The following KLF13 variants were observed in gnomAD, a reference collection of about 807,000 sequenced individuals.
The protein encoded by KLF13 is Krueppel-like factor 13.
Under a neutral mutation model 16.7 loss-of-function variants are expected in KLF13, and 8 were observed. The observed-to-expected ratio is 0.48, with a 90% CI of 0.28 to 0.87. KLF13 has a LOEUF of 0.87. Among genes scored for constraint, KLF13 ranks in the 40% least tolerant of loss-of-function variants. The pLI is 0.10. For synonymous variants in KLF13, 245 were observed against 208.4 expected (o/e 1.18, Z -1.51); for missense variants, 447 against 452.2 (o/e 0.99, Z 0.10).
chr15:31,328,478 C>T (rs1378155409), intron 1 of KLF13, among the ~76,000 whole-genome samples: 2 of 151,768 alleles, frequency 1.3e-5, no homozygotes, highest in African/African-American at 4.8e-5. Context: ...TCCGGCCCGG[C>T]GGGGGCGCGC....
intron 1 of KLF13, among the ~76,000 whole-genome samples, chr15:31,337,809 G>T (rs1011454713): frequency 2.0e-5 from 3 of 152,242 alleles, no homozygotes; most frequent in Non-Finnish European, 4.4e-5. Flanking sequence ...ATTATGTGGT[G>T]CATGACTGTA....
rs548515536 is a variant in KLF13 at position 31,366,771 on chromosome 15, G to A, written c.578-5239G>A. ...CTGTGCTCACTGTACTCGGCTGCAC[G>A]CAGCCCCGCCTGGAGTCTGTCCCCA... On this transcript the variant is annotated intron_variant, in intron 1 of 1. Transcript: ENST00000307145. Among the ~76,000 whole-genome samples, 4 of 152,350 alleles carry A rather than the reference G, an allele frequency of 2.6e-5. No individual in the cohort carries two copies. In the East Asian group the frequency reaches 7.7e-4, roughly 29 times the overall value.
upstream of KLF13, among the ~76,000 whole-genome samples, chr15:31,390,143 C>T (rs72722847): frequency 0.051 from 7,790 of 152,180 alleles, 287 homozygotes; most frequent in East Asian, 0.13. Context: ...CTCAAGACCT[C>T]CCCTGCCCTC....
At chr15:31,335,643 A>C (rs916990147) in intron 1 of KLF13, among the ~76,000 whole-genome samples, 6 of 152,158 alleles carry the variant, frequency 3.9e-5, no homozygotes, top group Non-Finnish European at 8.8e-5. Context: ...GAAGTTCATC[A>C]CACAAAAACA....
chr15:31,429,855 TC>T (rs2040450096), intron 1 of KLF13, among the ~76,000 whole-genome samples: 1 of 151,874 alleles, frequency 6.6e-6, no homozygotes. Flanking sequence ...GGCCTCAGCC[TC>T]CCGAGTAGCT....
At chr15:31,364,595 C>G (rs1236111286) in intron 1 of KLF13, among the ~76,000 whole-genome samples, 7 of 152,272 alleles carry the variant, frequency 4.6e-5, no homozygotes, top group Non-Finnish European at 8.8e-5. Context: ...CCACTTAACC[C>G]TCACAGTGAC....
At chr15:31,356,644 T>C (rs1240691385) in intron 1 of KLF13, among the ~76,000 whole-genome samples, 1 of 152,252 alleles carries the variant, frequency 6.6e-6, no homozygotes, top group African/African-American at 2.4e-5. Context: ...GGCTTATATG[T>C]CTGGAAATGT....
intron 2 of KLF13, among the ~76,000 whole-genome samples, chr15:31,395,003 G>A (rs1412362249): frequency 1.3e-5 from 2 of 151,922 alleles, no homozygotes; most frequent in Non-Finnish European, 2.9e-5. Flanking sequence ...TGTTTTAGAG[G>A]GAGTCTCCCT....
At chr15:31,347,872 G>A (rs2039149773) in intron 1 of KLF13, among the ~76,000 whole-genome samples, 1 of 152,216 alleles carries the variant, frequency 6.6e-6, no homozygotes, top group Non-Finnish European at 1.5e-5. Context: ...GGAACAGGAA[G>A]GTGTGTTGTT....
chr15:31,385,618 T>C (rs910601055), intron 1 of KLF13, among the ~76,000 whole-genome samples: 6 of 152,236 alleles, frequency 3.9e-5, no homozygotes, highest in African/African-American at 1.4e-4. Flanking sequence ...GTTACTCTTG[T>C]AATTGGAGTG....
chr15:31,409,000 AC>A (rs1435001509), downstream of KLF13, among the ~76,000 whole-genome samples: 1 of 152,180 alleles, frequency 6.6e-6, no homozygotes, highest in African/African-American at 2.4e-5. Flanking sequence ...AAAAAAACAA[AC>A]CAGGCAGGCA....
intron 1 of KLF13, among the ~76,000 whole-genome samples, chr15:31,431,805 G>C (rs2040475532): frequency 6.6e-6 from 1 of 152,224 alleles, no homozygotes; most frequent in African/African-American, 2.4e-5. Flanking sequence ...AAAGAAGCCA[G>C]ATCTCAAACC....
chr15:31,340,169 G>A lies in KLF13; in HGVS notation c.577+12380G>A, dbSNP rs564922813. Among the ~76,000 whole-genome samples, 45 of 152,354 alleles carry A rather than the reference G, an allele frequency of 3.0e-4. 2 individuals are homozygous for A. The South Asian group carries it at 9.3e-3, about 32-fold the overall frequency. ...CTCACGACTGAGGCAGGCTGAGGAT[G>A]TACCCAGTTGGGCTGGGCTGCCTTG... On this transcript the variant is annotated intron_variant, in intron 1 of 1. Coordinates refer to ENST00000307145, the MANE Select transcript of KLF13 (RefSeq NM_015995.4).
At chr15:31,337,088 A>G (rs550028157) in intron 1 of KLF13, among the ~76,000 whole-genome samples, 10 of 152,140 alleles carry the variant, frequency 6.6e-5, no homozygotes, top group Non-Finnish European at 1.3e-4. Flanking sequence ...CACCTGCATG[A>G]CTGTCCATGT....
At chr15:31,349,989 G>A (rs535591567) in intron 1 of KLF13, among the ~76,000 whole-genome samples, 1 of 152,356 alleles carries the variant, frequency 6.6e-6, no homozygotes, top group Non-Finnish European at 1.5e-5. Flanking sequence ...CAAGTCCTCA[G>A]AGTAGCCTAG....
In KLF13 at chr15:31,374,454, CAGAAG is replaced by C. The variant is rs894265159; in HGVS notation, c.*2159_*2163del. ...GTGGAATATTTGGTAGGGACCTTGA[CAGAAG>C]AGAGCCCTGGGTGCTTGTGGTGCAA... On this transcript the variant is annotated 3_prime_UTR_variant, in exon 2 of 2. Coordinates refer to ENST00000307145, the MANE Select transcript of KLF13 (RefSeq NM_015995.4). 2.0e-5 allele frequency: 3 copies of C among 152,544 alleles called. No individual in the cohort carries two copies. The highest frequency in any genetic ancestry group is 4.4e-5 in the Non-Finnish European group (3 of 68,042). 9.4% of individuals were successfully genotyped at this position (152,544 alleles called of 1,614,324 possible).
At chr15:31,421,990 C>T (rs185706758) in intron 1 of KLF13, among the ~76,000 whole-genome samples, 1 of 152,052 alleles carries the variant, frequency 6.6e-6, no homozygotes, top group African/African-American at 2.4e-5. Context: ...TGGCGTGCAC[C>T]TGTAATCCCA....
chr15:31,422,005 C>T (rs2040332072), intron 1 of KLF13, among the ~76,000 whole-genome samples: 2 of 151,982 alleles, frequency 1.3e-5, no homozygotes, highest in Non-Finnish European at 1.5e-5. Flanking sequence ...ATCCCAGCTA[C>T]TCAGGAGGCT....
intron 1 of KLF13, among the ~76,000 whole-genome samples, chr15:31,429,636 G>A (rs2040444994): frequency 6.6e-6 from 1 of 152,048 alleles, no homozygotes; most frequent in Non-Finnish European, 1.5e-5. Context: ...GCAAAACAAT[G>A]TATCTGTAGA....
Sources: allele counts gnomAD v4.1 joint callset (sites outside exome capture counted in the v4.1 genomes callset), GRCh38; gene constraint gnomAD v4.1.1; transcripts MANE v1.5; gene names NCBI Gene and HGNC (gene_info 2026-07-23, HGNC 2026-07-21).